The following CCDC181 variants were observed in gnomAD, a reference collection of about 807,000 sequenced individuals.
CCDC181 encodes the protein coiled-coil domain containing 181.
In CCDC181, 35 loss-of-function variants were observed where a neutral mutation model predicts 58.7. The ratio of observed to expected loss-of-function variants is 0.60; its 90% confidence interval spans 0.46 to 0.79. The LOEUF (loss-of-function observed/expected upper bound fraction) is 0.79. Ranked by LOEUF, CCDC181 falls within the 30% of genes least tolerant of loss-of-function variation. The pLI is 0.00. For missense variants in CCDC181, 517 were observed against 583.9 expected, an observed-to-expected ratio of 0.89 and a Z score of 1.18; for synonymous variants, 183 against 197.5, an observed-to-expected ratio of 0.93 and a Z score of 0.62.
At chr1:169,452,195 A>C (rs1406566577) in intron 2 of CCDC181, among the ~76,000 whole-genome samples, 1 of 152,126 alleles carries the variant, frequency 6.6e-6, no homozygotes, top group Non-Finnish European at 1.5e-5. Flanking sequence ...AGGAAGAACC[A>C]GCAAAGGAGA....
chr1:169,421,249 TAAAG>T (rs532682459), intron 3 of CCDC181, 110 bp downstream of exon 3: 6 of 739,676 alleles, frequency 8.1e-6, no homozygotes, highest in Non-Finnish European at 1.3e-5. Flanking sequence ...AATAGATAAA[TAAAG>T]CAATCAAAAA....
intron 4 of CCDC181, among the ~76,000 whole-genome samples, chr1:169,411,480 T>TACTTCTGAAACTATTCC (rs543963562): frequency 1.0e-3 from 156 of 152,316 alleles, no homozygotes; most frequent in African/African-American, 3.5e-3. Context: ...CTGGTACCAT[T>TACTTCTGAAACTATTCC]ACTTCTGAAA....
intron 4 of CCDC181, among the ~76,000 whole-genome samples, chr1:169,401,098 G>A (rs4656182): frequency 0.27 from 40,360 of 152,128 alleles, 6,722 homozygotes; most frequent in Non-Finnish European, 0.38. Flanking sequence ...GCAAGGCTAG[G>A]GGAGAGATGT....
intron 2 of CCDC181, among the ~76,000 whole-genome samples, chr1:169,433,016 A>G (rs1367778443): frequency 1.3e-5 from 2 of 152,086 alleles, no homozygotes; most frequent in African/African-American, 2.4e-5. Flanking sequence ...AAAAAGAAAT[A>G]TAAGGCAGCC....
rs1338571291 is a variant in CCDC181 at position 169,421,751 on chromosome 1, A to G, written c.680T>C (p.Leu227Pro). 2 of 1,614,098 alleles carry G rather than the reference A, an allele frequency of 1.2e-6. No individual in the cohort carries two copies. Among genetic ancestry groups the G allele is most frequent in the Non-Finnish European group, 1.7e-6 (2 of 1,180,004 alleles). The change falls in exon 3 of 6, where the codon CTT (leucine) becomes CCT (proline). Residue 227 changes from leucine (L) to proline (P), a missense_variant. Transcript: ENST00000367806. ...ILVERDGKFE[L>P]LNLQDIASQG... ...ACTGGCAATGTCTTGTAAATTCAGA[A>G]GTTCAAATTTTCCATCTCTCTCTAC...
intron 1 of CCDC181, among the ~76,000 whole-genome samples, chr1:169,425,658 C>T (rs1344223174): frequency 2.0e-5 from 3 of 151,992 alleles, no homozygotes; most frequent in Non-Finnish European, 4.4e-5. Context: ...GCAAGGGCAC[C>T]ATGAATGATA....
rs80127542 is a variant in CCDC181, at chr1:169,421,897, G to T, written c.534C>A (p.Asn178Lys). ...ACAGTTTCCCAAACATATTCCTTTC[G>T]TTTTCAAAATAATTTTTAAAAGTAG... ...DTTTFKNYFE[N>K]ERNMFGKLSQ... Residue 178 changes from asparagine to lysine, a missense_variant, in exon 3 of 6, where the codon AAC becomes AAA. By Grantham distance (94) the Asn-to-Lys change is moderately conservative. Coordinates refer to ENST00000367806, the MANE Select transcript of CCDC181 (RefSeq NM_001300969.2). 21 of 1,613,662 alleles carry T rather than the reference G, an allele frequency of 1.3e-5. No individual in the cohort carries two copies. The highest frequency in any genetic ancestry group is 1.8e-5 in the Non-Finnish European group (21 of 1,179,876).
At chr1:169,417,776 A>G (rs1193599532) in intron 4 of CCDC181, among the ~76,000 whole-genome samples, 2 of 152,104 alleles carry the variant, frequency 1.3e-5, no homozygotes, top group Non-Finnish European at 2.9e-5. Flanking sequence ...AGGAATTAGC[A>G]GCTGTTTGTC....
exon 1 of CCDC181, chr1:169,460,621 A>T (rs1210505201): frequency 6.6e-6 from 1 of 152,326 alleles, no homozygotes; most frequent in African/African-American, 2.4e-5. Flanking sequence ...TGGCCGGGAG[A>T]TCGGGCTCCA....
chr1:169,400,639 A>G (rs562961253), intron 4 of CCDC181, among the ~76,000 whole-genome samples: 2 of 152,236 alleles, frequency 1.3e-5, no homozygotes, highest in Non-Finnish European at 2.9e-5. Flanking sequence ...GAATATAATG[A>G]ATAAAAAGAG....
chr1:169,447,238 G>A (rs1045376758), intron 2 of CCDC181, among the ~76,000 whole-genome samples: 8 of 151,898 alleles, frequency 5.3e-5, no homozygotes, highest in African/African-American at 1.2e-4. Flanking sequence ...TTAGCCTCCC[G>A]AGTAGCTGGA....
At chr1:169,403,574 G>T (rs1200031083) in intron 4 of CCDC181, among the ~76,000 whole-genome samples, 1 of 151,912 alleles carries the variant, frequency 6.6e-6, no homozygotes, top group Non-Finnish European at 1.5e-5. Flanking sequence ...GGTAGATAAC[G>T]AAATGAAGGC....
chr1:169,459,047 A>C (rs958787450), intron 2 of CCDC181, among the ~76,000 whole-genome samples: 2 of 151,882 alleles, frequency 1.3e-5, no homozygotes, highest in African/African-American at 2.4e-5. Flanking sequence ...GTGAGTAAAA[A>C]ATAAAATAAA....
chr1:169,405,483 A>AGG (rs1655596328), intron 4 of CCDC181, among the ~76,000 whole-genome samples: 4 of 152,222 alleles, frequency 2.6e-5, no homozygotes, highest in African/African-American at 9.6e-5. Context: ...AACAGAACAG[A>AGG]ACCCTCAGAA....
intron 2 of CCDC181, among the ~76,000 whole-genome samples, chr1:169,437,762 A>G (rs1434955170): frequency 1.3e-5 from 2 of 152,216 alleles, no homozygotes; most frequent in South Asian, 2.1e-4. Flanking sequence ...TGGCAAAGGC[A>G]TTAGTATTGT....
chr1:169,443,023 A>C (rs1432600966), intron 2 of CCDC181: 2 of 151,792 alleles, frequency 1.3e-5, no homozygotes, highest in Non-Finnish European at 2.9e-5. Context: ...TGTATTATAT[A>C]TCAGATATAT....
At chr1:169,447,502 G>T (rs1235552692) in intron 2 of CCDC181, among the ~76,000 whole-genome samples, 5 of 152,134 alleles carry the variant, frequency 3.3e-5, no homozygotes, top group Admixed American at 6.6e-5. Context: ...TTCTGCCATT[G>T]TGGAAGTATT....
intron 3 of CCDC181, among the ~76,000 whole-genome samples, chr1:169,421,064 C>A (rs529297653): frequency 3.3e-5 from 5 of 152,312 alleles, no homozygotes; most frequent in Non-Finnish European, 7.4e-5. Flanking sequence ...TTACTTTCAG[C>A]AGTCACTTAA....
chr1:169,397,355 A>G lies in CCDC181; in HGVS notation c.1252T>C (p.Trp418Arg), dbSNP rs1234516762. 2.5e-6 allele frequency: 4 copies of G among 1,609,976 alleles called. No individual in the cohort carries two copies. The highest frequency in any genetic ancestry group is 3.3e-4 in the Middle Eastern group (2 of 6,044). The stretch of plus-strand genomic sequence containing the variant: ...TGCTCTTCGTGCTTTTTTTTAAGCC[A>G]TAATCGAAAAGCTTGTTGTGGATCT... The part of the protein sequence containing the change: ...NRDPQQAFRL[W>R]LKKKHEEQMK... The change falls in exon 5 of 6, where the codon TGG (tryptophan) becomes CGG (arginine). Residue 418 changes from tryptophan (W) to arginine (R), a missense_variant. By Grantham distance (101) the Trp-to-Arg change is moderately radical. Transcript: ENST00000367806.
Sources: gnomAD v4.1 joint callset for allele counts (sites outside exome capture counted in the v4.1 genomes callset) on GRCh38, gnomAD v4.1.1 for gene constraint, MANE v1.5 for transcripts, NCBI Gene and HGNC (gene_info 2026-07-23, HGNC 2026-07-21) for gene names.